USP35: variants seen among roughly 807,000 people sequenced by gnomAD.
USP35 encodes the protein ubiquitin carboxyl-terminal hydrolase 35.
Under a neutral mutation model 83.8 loss-of-function variants are expected in USP35, and 69 were observed. That is an observed-to-expected ratio of 0.82 (90% CI 0.68 to 1.01). The LOEUF (loss-of-function observed/expected upper bound fraction) is 1.01. Among genes scored for constraint, USP35 ranks in the 50% least tolerant of loss-of-function variants. The probability of loss-of-function intolerance (pLI) is 0.00; values close to 1 mark genes in which losing one functional copy is unlikely to be tolerated. For missense variants in USP35, 1,503 were observed against 1,362.5 expected, an observed-to-expected ratio of 1.10 and a Z score of -1.62; for synonymous variants, 714 against 589.5, an observed-to-expected ratio of 1.21 and a Z score of -3.06.
At chr11:78,200,272 G>A in intron 5 of USP35, 38 bp downstream of exon 5, 1 of 1,604,708 alleles carries the variant, frequency 6.2e-7, no homozygotes, top group South Asian at 1.1e-5. Context: ...TGAGGCCCCT[G>A]CCTGCTGCCC....
chr11:78,222,923 G>A, the USP35 span, among the ~76,000 whole-genome samples: 2 of 152,196 alleles, frequency 1.3e-5, no homozygotes, highest in African/African-American at 4.8e-5. Flanking sequence ...GATGGTCACC[G>A]TGACTACTCC....
chr11:78,219,523 A>T, downstream of USP35: 1 of 1,015,996 alleles, frequency 9.8e-7, no homozygotes, highest in Non-Finnish European at 1.5e-6. Flanking sequence ...GGAGAAGAGC[A>T]TGGCCTCTGC....
the USP35 span, among the ~76,000 whole-genome samples, chr11:78,231,346 T>G: frequency 1.9e-4 from 29 of 151,620 alleles, no homozygotes; most frequent in African/African-American, 6.1e-4. Context: ...GGTGTGTGTG[T>G]GTGTGTGTGT....
intron 6 of USP35, among the ~76,000 whole-genome samples, chr11:78,201,329 G>A (rs764372698): frequency 6.6e-6 from 1 of 152,170 alleles, no homozygotes; most frequent in Non-Finnish European, 1.5e-5. Context: ...ATTTACAGTC[G>A]TTCACATGAC....
chr11:78,212,763 G>A (rs569463287), intron 10 of USP35, among the ~76,000 whole-genome samples: 9 of 152,262 alleles, frequency 5.9e-5, no homozygotes, highest in Middle Eastern at 3.4e-3. Context: ...GAGAGTTGCT[G>A]AAGTTGCTTA....
chr11:78,190,659 T>A (rs1173564381), intron 1 of USP35, among the ~76,000 whole-genome samples: 1 of 151,992 alleles, frequency 6.6e-6, no homozygotes, highest in East Asian at 1.9e-4. Context: ...TGCAGAGGGA[T>A]GAGAATAGCT....
At chr11:78,222,094 T>TA in the USP35 span, 51 of 1,571,558 alleles carry the variant, frequency 3.2e-5, no homozygotes, top group Non-Finnish European at 4.4e-5. Flanking sequence ...CCCCCACACA[T>TA]ACGCACTTAC....
the USP35 span, among the ~76,000 whole-genome samples, chr11:78,220,823 C>T: frequency 6.6e-6 from 1 of 152,212 alleles, no homozygotes; most frequent in African/African-American, 2.4e-5. Context: ...AGTGGCTCTC[C>T]TGAGACATCC....
At chr11:78,191,052 A>G (rs1031805265) in intron 1 of USP35, among the ~76,000 whole-genome samples, 50 of 152,186 alleles carry the variant, frequency 3.3e-4, no homozygotes, top group African/African-American at 1.2e-3. Flanking sequence ...TTACCGTGTA[A>G]TAAGCTCCAT....
In USP35 at chr11:78,213,938, G is replaced by C; in HGVS notation, c.*125G>C. On this transcript the variant is annotated 3_prime_UTR_variant, in exon 11 of 11. Coordinates refer to ENST00000529308, the MANE Select transcript of USP35 (RefSeq NM_020798.4). ...CTCATGGCACCTTAGTCCTCAGCCT[G>C]ATGAAGGGTACACAGAGATTCTCTC... is the stretch of plus-strand genomic sequence containing the variant. 5.6e-6 allele frequency: 6 copies of C among 1,077,456 alleles called. No individual in the cohort carries two copies. Among genetic ancestry groups the C allele is most frequent in the Non-Finnish European group, 7.6e-6 (6 of 785,354 alleles). 66.7% of individuals were successfully genotyped at this position (1,077,456 alleles called of 1,614,324 possible).
intron 1 of USP35, 50 bp downstream of exon 1, chr11:78,189,207 C>T (rs1335192699): frequency 6.5e-6 from 1 of 153,844 alleles, no homozygotes. Flanking sequence ...GTGTCTGCAC[C>T]CTGGCCTTTC....
chr11:78,213,497 C>A, intron 10 of USP35, 149 bp from the exon 11 acceptor site: 1 of 917,272 alleles, frequency 1.1e-6, no homozygotes, highest in Non-Finnish European at 1.5e-6. Context: ...GTGTCCACCC[C>A]GGATATCCTG....
downstream of USP35, chr11:78,215,498 C>T (rs1465448425): frequency 1.3e-5 from 2 of 152,588 alleles, no homozygotes; most frequent in East Asian, 3.8e-4. Context: ...AGTGATTAGG[C>T]ACCAACAGTG....
rs748290875 is a variant in USP35, at chr11:78,197,924, C to A, written c.674-12C>A. 3 of 1,613,584 alleles carry A rather than the reference C, an allele frequency of 1.9e-6. No homozygotes were observed. The South Asian group carries it at 3.3e-5, about 18-fold the overall frequency. ...GCCTCCCTGCTAAGCTCAGCCCTGT[C>A]CCCTGTTCCAGAGGAGGAGCCACCA... On this transcript the variant is annotated splice_polypyrimidine_tract_variant and intron_variant, in intron 2 of 10. Coordinates refer to ENST00000529308, the MANE Select transcript of USP35 (RefSeq NM_020798.4).
chr11:78,208,524 A>G (rs1434536246), intron 8 of USP35, among the ~76,000 whole-genome samples: 1 of 152,136 alleles, frequency 6.6e-6, no homozygotes, highest in Non-Finnish European at 1.5e-5. Context: ...GATGACATGG[A>G]AGAGGCAGCG....
chr11:78,190,054 A>G (rs1862954360), intron 1 of USP35, among the ~76,000 whole-genome samples: 1 of 152,010 alleles, frequency 6.6e-6, no homozygotes, highest in Admixed American at 6.6e-5. Context: ...CAAAGGAGGG[A>G]GGCTGGCTTC....
At chr11:78,189,620 C>T (rs975123313) in intron 1 of USP35, among the ~76,000 whole-genome samples, 1 of 152,146 alleles carries the variant, frequency 6.6e-6, no homozygotes, top group African/African-American at 2.4e-5. Context: ...AAACCGGAGA[C>T]CCTGATGTGT....
the USP35 span, chr11:78,231,925 T>C: frequency 1.3e-5 from 2 of 152,214 alleles, no homozygotes; most frequent in African/African-American, 4.8e-5. Context: ...AAGAGGTCAT[T>C]TGAACTATCC....
chr11:78,190,336 A>G (rs1474978345), intron 1 of USP35, among the ~76,000 whole-genome samples: 1 of 152,066 alleles, frequency 6.6e-6, no homozygotes, highest in Non-Finnish European at 1.5e-5. Context: ...CAGTCCAGTG[A>G]CCTCTGTAGG....
Sources: allele counts gnomAD v4.1 joint callset (sites outside exome capture counted in the v4.1 genomes callset), GRCh38; gene constraint gnomAD v4.1.1; transcripts MANE v1.5; gene names NCBI Gene and HGNC (gene_info 2026-07-23, HGNC 2026-07-21).